PRR18: variants seen among roughly 807,000 people sequenced by gnomAD.
The protein encoded by PRR18 is proline-rich protein 18.
For synonymous variants in PRR18, 228 were observed against 220.2 expected, an observed-to-expected ratio of 1.04 and a Z score of -0.32; for missense variants, 517 against 437.4, an observed-to-expected ratio of 1.18 and a Z score of -1.62.
In PRR18 at chr6:166,305,427, G is replaced by C. The variant is rs1554261633; in HGVS notation, c.*1828C>G. The C allele has an allele frequency of 6.6e-6, 1 of 152,268 alleles. No homozygotes were observed. Among genetic ancestry groups the C allele is most frequent in the African/African-American group, 2.4e-5 (1 of 41,552 alleles). The allele number at this position is 152,268 out of a possible 1,614,324, so 9.4% of individuals were successfully genotyped here. A position where few individuals can be genotyped will look rare whatever the true frequency, so the allele number is the denominator to read the frequency against. On this transcript the variant is annotated 3_prime_UTR_variant, in exon 1 of 1. Transcript: ENST00000322583. ...CACGTGTAAAACCTTTTTTCTGTTT[G>C]TTTTTTATTGAAGCTCATTGACCAG... is the stretch of plus-strand genomic sequence containing the variant.
At position 166,308,320 on chromosome 6, in the gene PRR18, C is replaced by T. The variant is rs1288790538; in HGVS notation, c.-178G>A. The T allele has an allele frequency of 5.8e-6, 3 of 513,972 alleles. No homozygotes were observed. Among genetic ancestry groups the T allele is most frequent in the Non-Finnish European group, 9.0e-6 (3 of 334,716 alleles). The allele number at this position is 513,972 out of a possible 1,614,324, so 31.8% of individuals were successfully genotyped here. A position where few individuals can be genotyped will look rare whatever the true frequency, so the allele number is the denominator to read the frequency against. ...AAACCCGGGGACTCAAAGAGAGGCG[C>T]TCCCACCCTCCCCTCCTCCTGGGGG... is the stretch of plus-strand genomic sequence containing the variant. On this transcript the variant is annotated 5_prime_UTR_variant, in exon 1 of 1. Coordinates refer to ENST00000322583, the MANE Select transcript of PRR18 (RefSeq NM_175922.4).
chr6:166,307,076 G>T lies in PRR18; in HGVS notation c.*179C>A. The stretch of plus-strand genomic sequence containing the variant: ...GGCTGGCGAGGGCAGGAGGGGGGCC[G>T]TGGCCGTCGGGCGAGTCTGGCTGCG... On this transcript the variant is annotated 3_prime_UTR_variant, in exon 1 of 1. Transcript: ENST00000322583. The T allele has an allele frequency of 3.4e-6, 2 of 586,976 alleles. No individual in the cohort carries two copies. The highest frequency in any genetic ancestry group is 3.5e-5 in the East Asian group (1 of 28,402). 36.4% of individuals were successfully genotyped at this position (586,976 alleles called of 1,614,324 possible).
Position 166,308,143 on chromosome 6 carries a change from A to T in PRR18, c.-1T>A. ...GCGGCGGCATGGGCGGGAAGGGCAT[A>T]GTGCAGCCGAGCCGCCGGATCCTCA... On this transcript the variant is annotated 5_prime_UTR_variant, in exon 1 of 1. Transcript: ENST00000322583. The T allele has an allele frequency of 8.1e-7, 1 of 1,228,748 alleles. No homozygotes were observed. The highest frequency in any genetic ancestry group is 1.0e-6 in the Non-Finnish European group (1 of 984,564). 76.1% of individuals were successfully genotyped at this position (1,228,748 alleles called of 1,614,324 possible).
Position 166,306,186 on chromosome 6 carries a change from GAGAC to G in PRR18, c.*1065_*1068del, listed in dbSNP as rs1294925368. On this transcript the variant is annotated 3_prime_UTR_variant, in exon 1 of 1. Transcript: ENST00000322583. ...CTAGAATTAGAGAGAGAGAGAGAGAGAGACAGTGTGTGTGTGTTATTAGAGCAAA... is the reference window on the plus strand; with the variant it reads ...CTAGAATTAGAGAGAGAGAGAGAGAGAGTGTGTGTGTGTTATTAGAGCAAA... The G allele has an allele frequency of 6.6e-6, 1 of 151,974 alleles. No homozygotes were observed. The highest frequency in any genetic ancestry group is 1.5e-5 in the Non-Finnish European group (1 of 68,000). 9.4% of individuals were successfully genotyped at this position (151,974 alleles called of 1,614,324 possible). A position where few individuals can be genotyped will look rare whatever the true frequency, so the allele number is the denominator to read the frequency against.
Position 166,307,248 on chromosome 6 carries a change from G to A in PRR18, c.*7C>T. The A allele has an allele frequency of 2.1e-6, 3 of 1,461,282 alleles. No homozygotes were observed. The highest frequency in any genetic ancestry group is 2.8e-5 in the East Asian group (1 of 35,172). 90.5% of individuals were successfully genotyped at this position (1,461,282 alleles called of 1,614,324 possible). On this transcript the variant is annotated 3_prime_UTR_variant, in exon 1 of 1. Transcript: ENST00000322583. The stretch of plus-strand genomic sequence containing the variant: ...AGGCCTGGCCTGTCCCCGCAGGCCC[G>A]CTGGGCTCACAGCGTGCTCAGGTGC...
rs773947865 is a variant in PRR18 at position 166,307,259 on chromosome 6, A to T, written c.884T>A (p.Leu295Gln). Residue 295 changes from leucine to glutamine, a missense_variant, in exon 1 of 1, where the codon CTG (leucine) becomes CAG (glutamine). Leu to Gln is a moderately radical substitution (Grantham distance 113). Transcript: ENST00000322583. The part of the protein sequence containing the change: ...ALDSRRHLST[L>Q] ...GTCCCCGCAGGCCCGCTGGGCTCAC[A>T]GCGTGCTCAGGTGCCGCCGTGAGTC... is the stretch of plus-strand genomic sequence containing the variant. 5.4e-6 allele frequency: 8 copies of T among 1,489,192 alleles called. No individual in the cohort carries two copies. The Admixed American group carries it at 1.8e-4, about 34-fold the overall frequency. The allele number at this position is 1,489,192 out of a possible 1,614,324, so 92.2% of individuals were successfully genotyped here. A position where few individuals can be genotyped will look rare whatever the true frequency, so the allele number is the denominator to read the frequency against.
In PRR18 at chr6:166,307,648, G is replaced by C; in HGVS notation, c.495C>G (p.Pro165=). ...GGCGCCTGGGTTCGGCCGAGGGTGA[G>C]GGGAAGGGCCTGCGGGGCCGCGCCA... ...QLLARPRRPF[P]SPSAEPRRLL... The change falls in exon 1 of 1, where the codon CCC becomes CCG. Residue 165 remains proline (P), a synonymous_variant. Coordinates refer to ENST00000322583, the MANE Select transcript of PRR18 (RefSeq NM_175922.4). 1.4e-6 allele frequency: 2 copies of C among 1,454,108 alleles called. No homozygotes were observed. The highest frequency in any genetic ancestry group is 2.3e-5 in the Admixed American group (1 of 43,222). The allele number at this position is 1,454,108 out of a possible 1,614,324, so 90.1% of individuals were successfully genotyped here.
rs1453710506 is a variant in PRR18 at position 166,306,770 on chromosome 6, G to A, written c.*485C>T. 6.4e-6 allele frequency: 1 copy of A among 155,692 alleles called. No homozygotes were observed. The highest frequency in any genetic ancestry group is 1.4e-5 in the Non-Finnish European group (1 of 70,560). 9.6% of individuals were successfully genotyped at this position (155,692 alleles called of 1,614,324 possible). ...AGGCCACCGTCGCGGCCACCCACCTGGGCCATCGCCCACCGCACTGTCCAG... is the reference window on the plus strand; with the variant it reads ...AGGCCACCGTCGCGGCCACCCACCTAGGCCATCGCCCACCGCACTGTCCAG... On this transcript the variant is annotated 3_prime_UTR_variant, in exon 1 of 1. Transcript: ENST00000322583.
In PRR18 at chr6:166,305,353, G is replaced by GA. The variant is rs1200348496; in HGVS notation, c.*1901dup. The GA allele has an allele frequency of 6.6e-6, 1 of 152,180 alleles. No homozygotes were observed. The highest frequency in any genetic ancestry group is 1.5e-5 in the Non-Finnish European group (1 of 68,036). The allele number at this position is 152,180 out of a possible 1,614,324, so 9.4% of individuals were successfully genotyped here. A position where few individuals can be genotyped will look rare whatever the true frequency, so the allele number is the denominator to read the frequency against. On this transcript the variant is annotated 3_prime_UTR_variant, in exon 1 of 1. Transcript: ENST00000322583. ...TAAGAAATTGGAGCATAGCGACTTA[G>GA]AAAACTTTCTCAAAATGTCCTTAAC... is the stretch of plus-strand genomic sequence containing the variant.
At position 166,307,271 on chromosome 6, in the gene PRR18, T is replaced by C. The variant is rs992543798; in HGVS notation, c.872A>G (p.His291Arg). ...CCGCTGGGCTCACAGCGTGCTCAGG[T>C]GCCGCCGTGAGTCCAGGGCCCCCGC... ...GRAGALDSRR[H>R]LSTL is the part of the protein sequence containing the mutation. The change falls in exon 1 of 1, where the codon CAC becomes CGC. Residue 291 changes from histidine to arginine, a missense_variant. Coordinates refer to ENST00000322583, the MANE Select transcript of PRR18 (RefSeq NM_175922.4). 1.7e-5 allele frequency: 25 copies of C among 1,510,436 alleles called. No homozygotes were observed. Among genetic ancestry groups the C allele is most frequent in the Non-Finnish European group, 2.1e-5 (24 of 1,137,512 alleles). 93.6% of individuals were successfully genotyped at this position (1,510,436 alleles called of 1,614,324 possible). A position where few individuals can be genotyped will look rare whatever the true frequency, so the allele number is the denominator to read the frequency against.
At position 166,307,544 on chromosome 6, in the gene PRR18, G is replaced by A. The variant is rs1216295693; in HGVS notation, c.599C>T (p.Thr200Ile). 4.9e-6 allele frequency: 6 copies of A among 1,214,470 alleles called. No homozygotes were observed. The South Asian group carries it at 1.6e-4, about 32-fold the overall frequency. The allele number at this position is 1,214,470 out of a possible 1,614,324, so 75.2% of individuals were successfully genotyped here. A position where few individuals can be genotyped will look rare whatever the true frequency, so the allele number is the denominator to read the frequency against. The part of the protein sequence containing the change: ...GPASDPDAPP[T>I]AGQGRRAPPP... Reference sequence around the variant, plus strand: ...AGGCGCGCGGCGGCCCTGGCCGGCGGTGGGGGGTGCGTCGGGGTCGCTGGC... The same window carrying A: ...AGGCGCGCGGCGGCCCTGGCCGGCGATGGGGGGTGCGTCGGGGTCGCTGGC... The change falls in exon 1 of 1, where the codon ACC becomes ATC. Residue 200 changes from threonine to isoleucine, a missense_variant. Coordinates refer to ENST00000322583, the MANE Select transcript of PRR18 (RefSeq NM_175922.4).
chr6:166,307,304 C>A lies in PRR18; in HGVS notation c.839G>T (p.Arg280Leu). Residue 280 changes from arginine (R) to leucine (L), a missense_variant, in exon 1 of 1, where the codon CGG (arginine) becomes CTG (leucine). By Grantham distance (102) the Arg-to-Leu change is moderately radical (BLOSUM62 -2). Transcript: ENST00000322583. ...LRGVESAAAA[R>L]GRAGALDSRR... ...TGAGTCCAGGGCCCCCGCCCGGCCC[C>A]GCGCGGCAGCCGCGGACTCCACGCC... is the stretch of plus-strand genomic sequence containing the variant. 3 of 1,540,490 alleles carry A rather than the reference C, an allele frequency of 1.9e-6. No individual in the cohort carries two copies. Among genetic ancestry groups the A allele is most frequent in the Non-Finnish European group, 2.6e-6 (3 of 1,152,050 alleles).
In PRR18 at chr6:166,307,100, C is replaced by A; in HGVS notation, c.*155G>T. On this transcript the variant is annotated 3_prime_UTR_variant, in exon 1 of 1. Transcript: ENST00000322583. ...CGTGGCCGTCGGGCGAGTCTGGCTG[C>A]GCCCCACGTGGGCCAGCTTGCGCAC... The A allele has an allele frequency of 3.9e-6, 3 of 764,856 alleles. No individual in the cohort carries two copies. The highest frequency in any genetic ancestry group is 5.6e-6 in the Non-Finnish European group (3 of 537,320). 47.4% of individuals were successfully genotyped at this position (764,856 alleles called of 1,614,324 possible). A position where few individuals can be genotyped will look rare whatever the true frequency, so the allele number is the denominator to read the frequency against.
In PRR18 at chr6:166,308,323, C is replaced by T. The variant is rs894314704; in HGVS notation, c.-181G>A. ...CCCGGGGACTCAAAGAGAGGCGCTC[C>T]CACCCTCCCCTCCTCCTGGGGGTGC... is the stretch of plus-strand genomic sequence containing the variant. On this transcript the variant is annotated 5_prime_UTR_variant, in exon 1 of 1. Transcript: ENST00000322583. The T allele has an allele frequency of 7.9e-6, 4 of 503,408 alleles. No individual in the cohort carries two copies. Among genetic ancestry groups the T allele is most frequent in the Non-Finnish European group, 1.2e-5 (4 of 325,226 alleles). 31.2% of individuals were successfully genotyped at this position (503,408 alleles called of 1,614,324 possible).
chr6:166,308,175 G>A lies in PRR18; in HGVS notation c.-33C>T, dbSNP rs957519337. ...CCGAGCCGCCGGATCCTCAGCCCCT[G>A]GAAAGAGAGGCGGGCGCTCAGCCAC... On this transcript the variant is annotated 5_prime_UTR_variant, in exon 1 of 1. Coordinates refer to ENST00000322583, the MANE Select transcript of PRR18 (RefSeq NM_175922.4). 9.8e-6 allele frequency: 12 copies of A among 1,228,884 alleles called. No individual in the cohort carries two copies. In the African/African-American group the frequency reaches 1.1e-4, roughly 11 times the overall value. The allele number at this position is 1,228,884 out of a possible 1,614,324, so 76.1% of individuals were successfully genotyped here.
chr6:166,307,014 G>T lies in PRR18; in HGVS notation c.*241C>A. On this transcript the variant is annotated 3_prime_UTR_variant, in exon 1 of 1. Coordinates refer to ENST00000322583, the MANE Select transcript of PRR18 (RefSeq NM_175922.4). ...GGGGCAGAGGCAGGCATCTGGGGTAGATACCACCGGTGTGAACGAGAAAGG... is the reference window on the plus strand; with the variant it reads ...GGGGCAGAGGCAGGCATCTGGGGTATATACCACCGGTGTGAACGAGAAAGG... 2 of 433,198 alleles carry T rather than the reference G, an allele frequency of 4.6e-6. No individual in the cohort carries two copies. The highest frequency in any genetic ancestry group is 8.1e-6 in the Non-Finnish European group (2 of 247,110). 26.8% of individuals were successfully genotyped at this position (433,198 alleles called of 1,614,324 possible).
rs1424133381 is a variant in PRR18, at chr6:166,305,404, C to T, written c.*1851G>A. The T allele has an allele frequency of 6.6e-6, 1 of 152,192 alleles. No homozygotes were observed. The highest frequency in any genetic ancestry group is 2.4e-5 in the African/African-American group (1 of 41,442). 9.4% of individuals were successfully genotyped at this position (152,192 alleles called of 1,614,324 possible). A position where few individuals can be genotyped will look rare whatever the true frequency, so the allele number is the denominator to read the frequency against. ...AGCAATGAAAAGATATCATGTGTCA[C>T]GTGTAAAACCTTTTTTCTGTTTGTT... On this transcript the variant is annotated 3_prime_UTR_variant, in exon 1 of 1. Transcript: ENST00000322583.
Position 166,307,388 on chromosome 6 carries a change from T to C in PRR18, c.755A>G (p.Glu252Gly). ...CTCGTCCACCGCCTCTGGCTCCTCC[T>C]CGTACTCCACGTCGTCGTACCTGTG... ...ERHRYDDVEY[E>G]EEPEAVDEGL... The change falls in exon 1 of 1, where the codon GAG (glutamate) becomes GGG (glycine). Residue 252 changes from glutamate (E) to glycine (G), a missense_variant. Transcript: ENST00000322583. The C allele has an allele frequency of 5.1e-6, 8 of 1,578,104 alleles. No homozygotes were observed. Among genetic ancestry groups the C allele is most frequent in the Non-Finnish European group, 6.8e-6 (8 of 1,170,076 alleles).
At position 166,307,240 on chromosome 6, in the gene PRR18, G is replaced by T; in HGVS notation, c.*15C>A. On this transcript the variant is annotated 3_prime_UTR_variant, in exon 1 of 1. Coordinates refer to ENST00000322583, the MANE Select transcript of PRR18 (RefSeq NM_175922.4). ...GTGGGATCAGGCCTGGCCTGTCCCCGCAGGCCCGCTGGGCTCACAGCGTGC... is the reference window on the plus strand; with the variant it reads ...GTGGGATCAGGCCTGGCCTGTCCCCTCAGGCCCGCTGGGCTCACAGCGTGC... 1 of 1,447,314 alleles carries T rather than the reference G, an allele frequency of 6.9e-7. No homozygotes were observed. 89.7% of individuals were successfully genotyped at this position (1,447,314 alleles called of 1,614,324 possible).
Sources: gnomAD v4.1 joint callset for allele counts on GRCh38, gnomAD v4.1.1 for gene constraint, MANE v1.5 for transcripts, NCBI Gene and HGNC (gene_info 2026-07-23, HGNC 2026-07-21) for gene names.